Variants in STK3 observed in about 807,000 individuals in gnomAD.
STK3 encodes the protein serine/threonine kinase 3.
Under a neutral mutation model 58.0 loss-of-function variants are expected in STK3, and 41 were observed. The observed-to-expected ratio is 0.71, with a 90% CI of 0.55 to 0.92. The LOEUF (loss-of-function observed/expected upper bound fraction) is 0.92. STK3 is among the 40% of genes least tolerant of loss of function. STK3 has a pLI of 0.00. For synonymous variants in STK3, 170 were observed against 191.0 expected, an observed-to-expected ratio of 0.89 and a Z score of 0.91; for missense variants, 479 against 602.7, an observed-to-expected ratio of 0.79 and a Z score of 2.15.
chr8:98,798,936 A>G (rs1388889573), intron 1 of STK3, among the ~76,000 whole-genome samples: 4 of 152,180 alleles, frequency 2.6e-5, no homozygotes, highest in African/African-American at 9.7e-5. Context: ...ATTCCTCACC[A>G]CCAGAGGATA....
At chr8:98,593,571 G>C (rs868014787) in intron 7 of STK3, among the ~76,000 whole-genome samples, 2 of 152,206 alleles carry the variant, frequency 1.3e-5, no homozygotes, top group African/African-American at 4.8e-5. Flanking sequence ...CAGATCAGCA[G>C]TGGTATTAGA....
intron 6 of STK3, among the ~76,000 whole-genome samples, chr8:98,678,879 T>C (rs1421643043): frequency 6.6e-6 from 1 of 152,224 alleles, no homozygotes; most frequent in Non-Finnish European, 1.5e-5. Context: ...ACATTTACAG[T>C]TGAGTTTTGT....
intron 3 of STK3, among the ~76,000 whole-genome samples, chr8:98,754,769 A>G (rs1375229414): frequency 6.6e-6 from 1 of 152,130 alleles, no homozygotes; most frequent in Non-Finnish European, 1.5e-5. Flanking sequence ...CTCAGCTTCC[A>G]AAAGTGCTGA....
intron 9 of STK3, among the ~76,000 whole-genome samples, chr8:98,541,194 A>G (rs1315297331): frequency 6.6e-6 from 1 of 152,068 alleles, no homozygotes; most frequent in East Asian, 1.9e-4. Context: ...GCTTGGCTCT[A>G]TGCCCCCACC....
intron 8 of STK3, among the ~76,000 whole-genome samples, chr8:98,575,892 T>C (rs986499482): frequency 2.6e-5 from 4 of 152,236 alleles, no homozygotes; most frequent in African/African-American, 9.6e-5. Flanking sequence ...AAATGTTTAA[T>C]TTTGATGAAG....
At chr8:98,733,442 T>C (rs1563940767) in intron 4 of STK3, among the ~76,000 whole-genome samples, 2 of 152,174 alleles carry the variant, frequency 1.3e-5, no homozygotes, top group Non-Finnish European at 2.9e-5. Context: ...AACCCTATTG[T>C]GAACTGCACA....
intron 1 of STK3, among the ~76,000 whole-genome samples, chr8:98,441,825 G>C (rs997642027): frequency 4.0e-5 from 6 of 151,780 alleles, no homozygotes; most frequent in Non-Finnish European, 5.9e-5. Flanking sequence ...TTCCCTTTTT[G>C]TTTCCTCACT....
intron 7 of STK3, among the ~76,000 whole-genome samples, chr8:98,584,345 G>T (rs577126317): frequency 2.3e-4 from 35 of 151,228 alleles, no homozygotes; most frequent in African/African-American, 5.6e-4. Flanking sequence ...GAGAATATAC[G>T]GTGTTTGGTT....
At position 98,641,357 on chromosome 8, in the gene STK3, G is replaced by A. The variant is rs564790948; in HGVS notation, c.685-45188C>T. On this transcript the variant is annotated intron_variant, in intron 6 of 10. Transcript: ENST00000419617. ...AAGGTGTTGGTTGACTGCAAGTTCT[G>A]GTGGAATTTACCTATTAATCAGTTC... is the stretch of plus-strand genomic sequence containing the variant. Among the ~76,000 whole-genome samples the A allele has an allele frequency of 3.3e-5, 5 of 151,952 alleles. No homozygotes were observed. The East Asian group carries it at 9.7e-4, about 29-fold the overall frequency.
At chr8:98,664,929 T>C (rs1822227855) in intron 6 of STK3, among the ~76,000 whole-genome samples, 2 of 151,622 alleles carry the variant, frequency 1.3e-5, no homozygotes, top group South Asian at 4.2e-4. Flanking sequence ...TATCTAGGTA[T>C]AGTAAGTAGT....
At chr8:98,526,497 T>C (rs1825749932) in intron 10 of STK3, 1 of 259,184 alleles carries the variant, frequency 3.9e-6, no homozygotes, top group Non-Finnish European at 7.2e-6. Flanking sequence ...CCTGAATATT[T>C]ATTTAAATTT....
intron 8 of STK3, among the ~76,000 whole-genome samples, chr8:98,553,890 G>A (rs557952837): frequency 5.7e-4 from 86 of 151,860 alleles, no homozygotes; most frequent in Non-Finnish European, 6.3e-4. Context: ...ATTTGAACCC[G>A]GGAGGCAGAG....
chr8:98,753,522 C>G (rs1193591270), intron 3 of STK3, among the ~76,000 whole-genome samples: 1 of 152,026 alleles, frequency 6.6e-6, no homozygotes, highest in African/African-American at 2.4e-5. Flanking sequence ...CTAATGGGTA[C>G]TAGGCTTAAT....
At chr8:98,549,345 C>T (rs1810978327) in intron 8 of STK3, among the ~76,000 whole-genome samples, 1 of 152,134 alleles carries the variant, frequency 6.6e-6, no homozygotes, top group South Asian at 2.1e-4. Context: ...ATCTGCATCT[C>T]CCTAATGACT....
chr8:98,481,035 T>G (rs1460615868), intron 10 of STK3, among the ~76,000 whole-genome samples: 4 of 152,166 alleles, frequency 2.6e-5, no homozygotes, highest in Non-Finnish European at 5.9e-5. Flanking sequence ...TACCTTCCCC[T>G]CTCTTTCCTT....
chr8:98,496,109 CAG>C (rs1432634433), intron 10 of STK3, among the ~76,000 whole-genome samples: 1 of 152,122 alleles, frequency 6.6e-6, no homozygotes, highest in Non-Finnish European at 1.5e-5. Flanking sequence ...TTCATGAAAG[CAG>C]AGTTTATGCC....
At chr8:98,535,169 A>T (rs1809651315) in intron 9 of STK3, among the ~76,000 whole-genome samples, 1 of 152,182 alleles carries the variant, frequency 6.6e-6, no homozygotes, top group African/African-American at 2.4e-5. Context: ...TTTCTTTAGA[A>T]ACTAACTGCT....
chr8:98,613,617 T>A (rs972640017), intron 6 of STK3, among the ~76,000 whole-genome samples: 1 of 150,664 alleles, frequency 6.6e-6, no homozygotes, highest in African/African-American at 2.4e-5. Flanking sequence ...AGAAAACTCT[T>A]AAAAAAAATC....
chr8:98,585,454 T>C (rs1329076167), intron 7 of STK3, among the ~76,000 whole-genome samples: 23 of 151,378 alleles, frequency 1.5e-4, no homozygotes, highest in African/African-American at 5.6e-4. Context: ...CATTGATCTA[T>C]ATCTCTGTTT....
Sources: gnomAD v4.1 joint callset for allele counts (sites outside exome capture counted in the v4.1 genomes callset) on GRCh38, gnomAD v4.1.1 for gene constraint, MANE v1.5 for transcripts, NCBI Gene and HGNC (gene_info 2026-07-23, HGNC 2026-07-21) for gene names.